Variants in MGA observed in about 807,000 individuals in gnomAD.
The protein encoded by MGA is MAX dimerization protein MGA, also known as MAX gene-associated protein.
A neutral mutation model predicts 261.1 loss-of-function variants in MGA; 40 were observed. That is an observed-to-expected ratio of 0.15 (90% confidence interval 0.12 to 0.20). The LOEUF (loss-of-function observed/expected upper bound fraction) is 0.20, where lower values mean the gene tolerates loss of function less well. Ranked by LOEUF, MGA falls within the 10% of genes least tolerant of loss-of-function variation. The pLI is 1.00. For missense variants in MGA, 3,397 were observed against 3,630.5 expected, an observed-to-expected ratio of 0.94 and a Z score of 1.65; for synonymous variants, 1,302 against 1,290.6, an observed-to-expected ratio of 1.01 and a Z score of -0.19.
At chr15:41,656,448 C>T (rs2057198203), upstream of MGA, among the ~76,000 whole-genome samples, 1 of 151,000 alleles carries the variant, frequency 6.6e-6, no homozygotes, top group Non-Finnish European at 1.5e-5. Flanking sequence ...CTTAAACAGT[C>T]CTCCCACCTC....
rs377760732 is a variant in MGA, at chr15:41,742,756, C to A, written c.4796C>A (p.Thr1599Asn). ...AGCCCTGTGACTGCTGCTGTCACTA[C>A]TACCACCCCTCAAGTGTTTTTAGAA... Residue 1599 changes from threonine (T) to asparagine (N), a missense_variant, in exon 15 of 24, where the codon ACT becomes AAT. By Grantham distance (65) the Thr-to-Asn change is moderately conservative (BLOSUM62 0). Coordinates refer to ENST00000219905, the MANE Select transcript of MGA (RefSeq NM_001164273.2). The A allele has an allele frequency of 6.2e-7, 1 of 1,613,996 alleles. No individual in the cohort carries two copies. The highest frequency in any genetic ancestry group is 2.2e-5 in the East Asian group (1 of 44,886).
At chr15:41,690,512 T>C (rs932204867) in intron 2 of MGA, among the ~76,000 whole-genome samples, 5 of 152,200 alleles carry the variant, frequency 3.3e-5, no homozygotes, top group African/African-American at 7.2e-5. Flanking sequence ...CATTTATTTC[T>C]GGACTCTCAA....
chr15:41,728,518 C>A (rs771759669), intron 10 of MGA, among the ~76,000 whole-genome samples: 2 of 152,082 alleles, frequency 1.3e-5, no homozygotes, highest in Non-Finnish European at 2.9e-5. Flanking sequence ...ATACTGTATT[C>A]TTACAATAAA....
At position 41,767,058 on chromosome 15, in the gene MGA, A is replaced by G. The variant is rs775695970; in HGVS notation, c.8976A>G (p.Leu2992=). The G allele has an allele frequency of 4.3e-6, 7 of 1,614,004 alleles. No homozygotes were observed. In the East Asian group the frequency reaches 1.3e-4, roughly 31 times the overall value. Residue 2992 remains leucine, a synonymous_variant, in exon 24 of 24, where the codon CTA becomes CTG. Transcript: ENST00000219905. The stretch of plus-strand genomic sequence containing the variant: ...GGCCTATGCCAAAGTTGGCCCCTCT[A>G]GGTTTAAAAGTAGCTAATCCTTCCA...
chr15:41,659,166 T>C (rs910972612), upstream of MGA, among the ~76,000 whole-genome samples: 2 of 152,222 alleles, frequency 1.3e-5, no homozygotes, highest in African/African-American at 4.8e-5. Context: ...TTCAGAAGTC[T>C]CTAAAGTAGC....
At position 41,734,591 on chromosome 15, in the gene MGA, C is replaced by G. The variant is rs2061676032; in HGVS notation, c.3913C>G (p.Gln1305Glu). The G allele has an allele frequency of 1.3e-6, 2 of 1,590,204 alleles. No homozygotes were observed. Among genetic ancestry groups the G allele is most frequent in the Middle Eastern group, 1.7e-4 (1 of 6,044 alleles). The change falls in exon 12 of 24, where the codon CAA (glutamine) becomes GAA (glutamate). Residue 1305 changes from glutamine to glutamate, a missense_variant. Physicochemically the swap from Gln to Glu is conservative, Grantham distance 29. Around this residue, in one of 9 missense-constraint regions of MGA, gnomAD observed 1,410 missense variants for 1,386.4 expected, o/e 1.02. Coordinates refer to ENST00000219905, the MANE Select transcript of MGA (RefSeq NM_001164273.2). ...CTTGGAGGATGATTCTGATAAATTACAAGGTCAGAATGAAAACTAGATCTT... is the reference window on the plus strand; with the variant it reads ...CTTGGAGGATGATTCTGATAAATTAGAAGGTCAGAATGAAAACTAGATCTT...
intron 19 of MGA, 128 bp from the exon 20 acceptor site, chr15:41,760,195 T>C (rs2063373883): frequency 2.5e-6 from 2 of 802,088 alleles, no homozygotes; most frequent in Non-Finnish European, 4.2e-6. Context: ...AGATGACCAA[T>C]TGAGAGGCTG....
At position 41,764,886 on chromosome 15, in the gene MGA, A is replaced by G. The variant is rs2063718680; in HGVS notation, c.7745A>G (p.Glu2582Gly). ...AACTAATTTCTGATCTTTCTTACAG[A>G]AAATACCTCACCCTTGAACACTCCA... The change falls in exon 23 of 24, where the codon GAA becomes GGA. Residue 2582 changes from glutamate to glycine, a missense_variant and splice_region_variant. By Grantham distance (98) the Glu-to-Gly change is moderately conservative (BLOSUM62 -2). Around this residue, in one of 9 missense-constraint regions of MGA, gnomAD observed 647 missense variants for 642.4 expected, o/e 1.01. Transcript: ENST00000219905. The G allele has an allele frequency of 6.2e-7, 1 of 1,613,750 alleles. No individual in the cohort carries two copies. Among genetic ancestry groups the G allele is most frequent in the Non-Finnish European group, 8.5e-7 (1 of 1,179,796 alleles).
intron 2 of MGA, among the ~76,000 whole-genome samples, chr15:41,679,055 A>T (rs1333787848): frequency 6.6e-6 from 1 of 151,788 alleles, no homozygotes; most frequent in Non-Finnish European, 1.5e-5. Context: ...TTCTTTTTTG[A>T]GACTGAGTCT....
intron 17 of MGA, chr15:41,752,353 C>T (rs905167289): frequency 2.0e-5 from 3 of 152,290 alleles, no homozygotes; most frequent in Non-Finnish European, 2.9e-5. Flanking sequence ...CTTATACCTT[C>T]TCTCCATAGC....
At position 41,708,255 on chromosome 15, in the gene MGA, A is replaced by G. The variant is rs1444469995; in HGVS notation, c.2425+47A>G. ...TTTAAATGTTCTGAAACATGTAGCC[A>G]GAAACCTTTTGTTAAAAGTAAGTCT... On this transcript the variant is annotated intron_variant, in intron 7 of 23. Transcript: ENST00000219905. The G allele has an allele frequency of 3.1e-6, 4 of 1,296,658 alleles. No individual in the cohort carries two copies. In the African/African-American group the frequency reaches 4.5e-5, roughly 15 times the overall value. The allele number at this position is 1,296,658 out of a possible 1,614,324, so 80.3% of individuals were successfully genotyped here. A position where few individuals can be genotyped will look rare whatever the true frequency, so the allele number is the denominator to read the frequency against.
At chr15:41,753,659 A>G (rs1023995487) in intron 17 of MGA, among the ~76,000 whole-genome samples, 13 of 152,076 alleles carry the variant, frequency 8.5e-5, no homozygotes, top group South Asian at 2.1e-4. Context: ...TCCTATTTCT[A>G]TACCTGCCTG....
intron 2 of MGA, among the ~76,000 whole-genome samples, chr15:41,679,825 C>A (rs991513559): frequency 6.6e-6 from 1 of 151,986 alleles, no homozygotes; most frequent in African/African-American, 2.4e-5. Context: ...TCTTTACAAA[C>A]TCCTTGACAA....
chr15:41,674,171 T>C (rs1413857583), intron 2 of MGA, among the ~76,000 whole-genome samples: 1 of 151,586 alleles, frequency 6.6e-6, no homozygotes, highest in African/African-American at 2.4e-5. Context: ...ATTACAGGGG[T>C]GAGCCACTAC....
At chr15:41,670,241 G>A (rs2057968465) in intron 2 of MGA, among the ~76,000 whole-genome samples, 1 of 151,780 alleles carries the variant, frequency 6.6e-6, no homozygotes, top group Admixed American at 6.6e-5. Flanking sequence ...TTGGTTCCAG[G>A]ACCACCCAAG....
chr15:41,695,305 C>T (rs2059501526), intron 2 of MGA, among the ~76,000 whole-genome samples: 1 of 152,054 alleles, frequency 6.6e-6, no homozygotes, highest in Non-Finnish European at 1.5e-5. Flanking sequence ...TATTCTGCCT[C>T]AGCCTCTTGA....
chr15:41,716,369 G>C (rs1268433861), intron 9 of MGA, among the ~76,000 whole-genome samples: 1 of 152,040 alleles, frequency 6.6e-6, no homozygotes, highest in East Asian at 1.9e-4. Flanking sequence ...CAGGAGAATG[G>C]TGTGAACCCG....
intron 10 of MGA, among the ~76,000 whole-genome samples, 179 bp from the exon 11 acceptor site, chr15:41,728,985 C>T (rs2061379430): frequency 6.6e-6 from 1 of 152,132 alleles, no homozygotes; most frequent in Non-Finnish European, 1.5e-5. Flanking sequence ...GAACTGGATC[C>T]TTTCTGACTG....
At chr15:41,745,306 A>AAG (rs1555432912) in intron 15 of MGA, among the ~76,000 whole-genome samples, 7 of 136,902 alleles carry the variant, frequency 5.1e-5, no homozygotes, top group Admixed American at 7.7e-5. Flanking sequence ...AAAAAAAAAA[A>AAG]AGAGACAGCA....
Sources: allele counts gnomAD v4.1 joint callset (sites outside exome capture counted in the v4.1 genomes callset), GRCh38; gene constraint gnomAD v4.1.1; regional missense constraint gnomAD v4.1.1; transcripts MANE v1.5; gene names NCBI Gene and HGNC (gene_info 2026-07-23, HGNC 2026-07-21).